Variants in ESRRG observed in about 807,000 individuals in gnomAD.
ESRRG encodes the protein estrogen related receptor gamma.
ESRRG carries 13 observed loss-of-function variants against 44.0 expected under a neutral mutation model. The observed-to-expected ratio is 0.30, with a 90% CI of 0.19 to 0.47. The LOEUF (loss-of-function observed/expected upper bound fraction) is 0.47. ESRRG is among the 20% of genes least tolerant of loss of function. ESRRG has a pLI of 1.00. For missense variants in ESRRG, 395 were observed against 580.6 expected (o/e 0.68, Z 3.29); for synonymous variants, 215 against 214.6 (o/e 1.00, Z -0.02).
At chr1:216,543,640 A>C (rs866132222) in intron 5 of ESRRG, among the ~76,000 whole-genome samples, 13 of 152,014 alleles carry the variant, frequency 8.6e-5, no homozygotes, top group African/African-American at 3.1e-4. Context: ...CTGGTGCTTC[A>C]CTACGAAAGC....
chr1:216,770,948 C>T (rs368979890), intron 2 of ESRRG, among the ~76,000 whole-genome samples: 3 of 152,160 alleles, frequency 2.0e-5, no homozygotes, highest in African/African-American at 7.2e-5. Context: ...ATCAAATATT[C>T]CTACTCCAAG....
At position 216,733,987 on chromosome 1, in the gene ESRRG, TAA is replaced by T. The variant is rs397796087; in HGVS notation, c.-13-56498_-13-56497del. 1.4e-3 allele frequency among the ~76,000 whole-genome samples: 150 copies of T among 107,232 alleles called. 1 individual carries two copies. Among genetic ancestry groups the T allele is most frequent in the African/African-American group, 2.4e-3 (67 of 27,848 alleles). The allele number at this position is 107,232 out of a possible 152,430, so 70.3% of individuals were successfully genotyped here. On this transcript the variant is annotated intron_variant, in intron 2 of 7. Coordinates refer to the ESRRG transcript ENST00000359162. ...AACAGAGCAACAGAGCAAGACTCTG[TAA>T]AAAAAAAAAAAAAAAAAAACTCACC...
At chr1:216,874,064 G>A (rs1383508927) in intron 2 of ESRRG, among the ~76,000 whole-genome samples, 1 of 150,554 alleles carries the variant, frequency 6.6e-6, no homozygotes, top group East Asian at 2.0e-4. Context: ...AAGGGAGGAA[G>A]GTAGGAAGGC....
intron 2 of ESRRG, among the ~76,000 whole-genome samples, chr1:216,793,664 A>G (rs1459594552): frequency 1.3e-5 from 2 of 152,202 alleles, no homozygotes; most frequent in Non-Finnish European, 2.9e-5. Context: ...CAGAAACTGT[A>G]TAAGATTATA....
At chr1:216,754,741 G>T (rs1576183485) in intron 2 of ESRRG, among the ~76,000 whole-genome samples, 2 of 138,956 alleles carry the variant, frequency 1.4e-5, no homozygotes, top group Non-Finnish European at 1.5e-5. Flanking sequence ...TAATCTAGTT[G>T]CGTGTTGCGT....
chr1:216,748,196 A>G (rs1287834595), intron 2 of ESRRG, among the ~76,000 whole-genome samples: 3 of 152,178 alleles, frequency 2.0e-5, no homozygotes, highest in Non-Finnish European at 4.4e-5. Flanking sequence ...GCCTAGATCC[A>G]CACTTGCTCA....
chr1:216,613,115 G>A (rs557494728), intron 3 of ESRRG, among the ~76,000 whole-genome samples: 1 of 152,164 alleles, frequency 6.6e-6, no homozygotes, highest in Non-Finnish European at 1.5e-5. Context: ...GAAGTTTTTT[G>A]GAAATTTCTG....
intron 1 of ESRRG, among the ~76,000 whole-genome samples, chr1:216,963,664 C>T (rs188088883): frequency 5.3e-5 from 8 of 152,274 alleles, no homozygotes; most frequent in African/African-American, 1.2e-4. Context: ...TATTAAGCCA[C>T]GCAGTGGTGT....
chr1:216,852,425 G>A lies in ESRRG; in HGVS notation c.-14+87157C>T, dbSNP rs562988754. Among the ~76,000 whole-genome samples, 7 of 152,234 alleles carry A rather than the reference G, an allele frequency of 4.6e-5. No individual in the cohort carries two copies. In the East Asian group the frequency reaches 1.2e-3, roughly 25 times the overall value. Reference sequence around the variant, plus strand: ...AACTGAAGACATAAACAAGATCAAAGAGCTCTGATATAATTGCAAAAAGTA... The same window carrying A: ...AACTGAAGACATAAACAAGATCAAAAAGCTCTGATATAATTGCAAAAAGTA... On this transcript the variant is annotated intron_variant, in intron 2 of 7. Transcript: ENST00000359162.
chr1:216,790,310 C>T (rs1213595803), intron 2 of ESRRG, among the ~76,000 whole-genome samples: 1 of 152,150 alleles, frequency 6.6e-6, no homozygotes, highest in South Asian at 2.1e-4. Flanking sequence ...TAGTATGATG[C>T]TGTGGGAAAG....
chr1:217,097,301 C>A (rs12756259), intron 1 of ESRRG, among the ~76,000 whole-genome samples: 17,315 of 152,104 alleles, frequency 0.11, 1,329 homozygotes, highest in Admixed American at 0.15. Flanking sequence ...AAAAAAAAGG[C>A]ACCTCTCTAT....
At chr1:217,135,018 C>T (rs964804544) in intron 1 of ESRRG, among the ~76,000 whole-genome samples, 2 of 152,232 alleles carry the variant, frequency 1.3e-5, no homozygotes, top group African/African-American at 4.8e-5. Context: ...CTCTCCTTTC[C>T]CCGCTTTCCG....
intron 2 of ESRRG, among the ~76,000 whole-genome samples, chr1:216,658,858 GA>G (rs1341434795): frequency 7.7e-4 from 21 of 27,184 alleles, no homozygotes; most frequent in African/African-American, 2.1e-3. Flanking sequence ...AAGAAGAGAA[GA>G]GAAGAGAAGA....
intron 3 of ESRRG, among the ~76,000 whole-genome samples, chr1:216,622,849 G>T (rs1157611910): frequency 1.3e-5 from 2 of 152,020 alleles, no homozygotes; most frequent in African/African-American, 2.4e-5. Flanking sequence ...AGTATATTTT[G>T]AAAGGAATCT....
chr1:217,097,307 T>C (rs906159258), intron 1 of ESRRG, among the ~76,000 whole-genome samples: 1 of 152,108 alleles, frequency 6.6e-6, no homozygotes, highest in African/African-American at 2.4e-5. Flanking sequence ...AAGGCACCTC[T>C]CTATTATAAA....
At chr1:216,982,979 G>A (rs761858330) in intron 1 of ESRRG, among the ~76,000 whole-genome samples, 11 of 151,160 alleles carry the variant, frequency 7.3e-5, no homozygotes, top group African/African-American at 9.7e-5. Flanking sequence ...GCTCTGGTCC[G>A]GGAGTCAGAC....
At position 216,564,252 on chromosome 1, in the gene ESRRG, C is replaced by T. The variant is rs762859693; in HGVS notation, c.829G>A (p.Val277Met). 5.1e-6 allele frequency: 8 copies of T among 1,578,144 alleles called. No individual in the cohort carries two copies. The highest frequency in any genetic ancestry group is 6.9e-6 in the Non-Finnish European group (8 of 1,163,306). Residue 277 changes from valine (V) to methionine (M), a missense_variant, in exon 5 of 7, where the codon GTG becomes ATG. By Grantham distance (21) the Val-to-Met change is conservative. Coordinates refer to ENST00000408911, the MANE Select transcript of ESRRG (RefSeq NM_001438.4). ...TLCDLADRELVVIIGWAKHIP... is the reference protein window; with the variant it reads ...TLCDLADRELMVIIGWAKHIP... ...TGCTTCGCCCATCCAATGATAACCA[C>T]CAACTCTCGGTCGGCCAAGTCACAC... is the stretch of plus-strand genomic sequence containing the variant.
chr1:216,684,823 AG>A (rs1366060039), intron 1 of ESRRG, among the ~76,000 whole-genome samples: 2 of 152,258 alleles, frequency 1.3e-5, no homozygotes, highest in Non-Finnish European at 2.9e-5. Context: ...AATACCATTT[AG>A]TTTAAATAAA....
Position 217,019,616 on chromosome 1 carries a change from T to C in ESRRG, c.-106+69891A>G, listed in dbSNP as rs11572430. On this transcript the variant is annotated intron_variant, in intron 1 of 7. Coordinates refer to the ESRRG transcript ENST00000359162. ...ACTACTAACTAGTACATTCCAAGGGTATTTGGGATGAATAATTAAAGATAC... is the reference window on the plus strand; with the variant it reads ...ACTACTAACTAGTACATTCCAAGGGCATTTGGGATGAATAATTAAAGATAC... Among the ~76,000 whole-genome samples, 815 of 152,292 alleles carry C rather than the reference T, an allele frequency of 5.4e-3. 8 individuals carry two copies. Among genetic ancestry groups the C allele is most frequent in the African/African-American group, 0.019 (790 of 41,582 alleles).
Sources: gnomAD v4.1 joint callset for allele counts (sites outside exome capture counted in the v4.1 genomes callset) on GRCh38, gnomAD v4.1.1 for gene constraint, MANE v1.5 for transcripts, NCBI Gene and HGNC (gene_info 2026-07-23, HGNC 2026-07-21) for gene names.